The following RCAN2 variants were observed in gnomAD, a reference collection of about 807,000 sequenced individuals.
RCAN2 encodes regulator of calcineurin 2, also known as calcipressin-2.
In RCAN2, 9 loss-of-function variants were observed where a neutral mutation model predicts 23.6. That is an observed-to-expected ratio of 0.38 (90% CI 0.23 to 0.67). RCAN2 has a LOEUF of 0.67. Ranked by LOEUF, RCAN2 falls within the 30% of genes least tolerant of loss-of-function variation. The pLI is 0.51. For missense variants in RCAN2, 273 were observed against 302.3 expected (o/e 0.90, Z 0.72); for synonymous variants, 109 against 115.7 (o/e 0.94, Z 0.37).
intron 3 of RCAN2, 100 bp from the exon 4 acceptor site, chr6:46,247,019 T>G (rs1311466951): frequency 3.3e-6 from 3 of 905,940 alleles, no homozygotes; most frequent in Non-Finnish European, 4.9e-6. Context: ...CTGCGACAAA[T>G]GAACCGATGA....
intron 2 of RCAN2, among the ~76,000 whole-genome samples, chr6:46,374,994 C>A: frequency 6.6e-6 from 1 of 152,132 alleles, no homozygotes; most frequent in Non-Finnish European, 1.5e-5. Context: ...GCAACCTCTG[C>A]CTCCCGGGTT....
chr6:46,276,233 A>AC (rs1767696710), intron 2 of RCAN2, among the ~76,000 whole-genome samples: 1 of 151,426 alleles, frequency 6.6e-6, no homozygotes, highest in African/African-American at 2.4e-5. Flanking sequence ...ACAAAACAAA[A>AC]ACCAACTATG....
intron 2 of RCAN2, among the ~76,000 whole-genome samples, chr6:46,285,659 CT>C (rs1190621174): frequency 6.6e-6 from 1 of 152,040 alleles, no homozygotes; most frequent in Non-Finnish European, 1.5e-5. Flanking sequence ...TCCTTTATTT[CT>C]TTTTTTGGTA....
At chr6:46,448,329 A>G (rs1393067337) in intron 2 of RCAN2, among the ~76,000 whole-genome samples, 1 of 151,926 alleles carries the variant, frequency 6.6e-6, no homozygotes, top group Non-Finnish European at 1.5e-5. Flanking sequence ...AAAAAGATCA[A>G]ATCAGTAATA....
intron 2 of RCAN2, among the ~76,000 whole-genome samples, chr6:46,387,493 C>T (rs1485272163): frequency 6.6e-6 from 1 of 152,130 alleles, no homozygotes; most frequent in Non-Finnish European, 1.5e-5. Flanking sequence ...CCAACAGACA[C>T]ATGAAAAAAT....
chr6:46,470,861 T>C (rs549737080), intron 1 of RCAN2, among the ~76,000 whole-genome samples: 1 of 152,324 alleles, frequency 6.6e-6, no homozygotes, highest in Admixed American at 6.5e-5. Flanking sequence ...ATGAAATCTG[T>C]CTTCATTGTG....
intron 1 of RCAN2, among the ~76,000 whole-genome samples, chr6:46,468,490 G>A (rs866348868): frequency 8.5e-5 from 13 of 152,262 alleles, no homozygotes; most frequent in African/African-American, 2.6e-4. Flanking sequence ...CACCACAGCC[G>A]CGCCAACGCC....
intron 1 of RCAN2, among the ~76,000 whole-genome samples, chr6:46,459,163 G>T (rs968571960): frequency 1.3e-5 from 2 of 152,170 alleles, no homozygotes; most frequent in Admixed American, 6.5e-5. Flanking sequence ...CTCCCAAAGC[G>T]TTGGGATTTC....
chr6:46,373,487 G>T (rs1765375992), intron 2 of RCAN2, among the ~76,000 whole-genome samples: 1 of 152,006 alleles, frequency 6.6e-6, no homozygotes, highest in Non-Finnish European at 1.5e-5. Context: ...AAACTCCTGG[G>T]CACAAGTGAT....
At chr6:46,458,401 TA>T (rs1561914130) in intron 1 of RCAN2, among the ~76,000 whole-genome samples, 1 of 152,182 alleles carries the variant, frequency 6.6e-6, no homozygotes, top group East Asian at 1.9e-4. Flanking sequence ...GCATTACATA[TA>T]AAATCTTAAG....
chr6:46,355,196 A>T (rs1764789989), intron 2 of RCAN2, among the ~76,000 whole-genome samples: 1 of 152,190 alleles, frequency 6.6e-6, no homozygotes, highest in Admixed American at 6.5e-5. Context: ...TTTTTAAAGT[A>T]AACTTCTTAT....
At chr6:46,232,094 A>G (rs1421612922) in intron 4 of RCAN2, among the ~76,000 whole-genome samples, 2 of 152,256 alleles carry the variant, frequency 1.3e-5, no homozygotes, top group Admixed American at 6.5e-5. Context: ...AGACAGTGAC[A>G]GGAGCAGGGA....
chr6:46,435,929 G>A (rs1244168878), intron 2 of RCAN2, among the ~76,000 whole-genome samples: 1 of 152,206 alleles, frequency 6.6e-6, no homozygotes, highest in Non-Finnish European at 1.5e-5. Context: ...GTGAGCACTG[G>A]AGAAATGAAG....
chr6:46,425,550 A>AT (rs897903060), intron 2 of RCAN2, among the ~76,000 whole-genome samples: 1 of 152,208 alleles, frequency 6.6e-6, no homozygotes, highest in African/African-American at 2.4e-5. Context: ...TGATGTAAGA[A>AT]TTTTTTTAAA....
At chr6:46,425,831 G>A (rs748844924) in intron 2 of RCAN2, among the ~76,000 whole-genome samples, 2 of 151,042 alleles carry the variant, frequency 1.3e-5, no homozygotes, top group African/African-American at 4.9e-5. Flanking sequence ...TTTCTCAGTG[G>A]TTCACTTCGC....
intron 2 of RCAN2, among the ~76,000 whole-genome samples, chr6:46,407,883 C>T (rs972985053): frequency 2.6e-5 from 4 of 152,172 alleles, no homozygotes; most frequent in Non-Finnish European, 4.4e-5. Context: ...TGGAGTGCTA[C>T]GTAAAAATTA....
intron 2 of RCAN2, among the ~76,000 whole-genome samples, chr6:46,295,449 A>C (rs1762697940): frequency 6.6e-6 from 1 of 152,188 alleles, no homozygotes; most frequent in Non-Finnish European, 1.5e-5. Flanking sequence ...GCTGGAGAAC[A>C]GAAGAACACC....
chr6:46,255,459 T>C (rs1383422542), intron 2 of RCAN2, among the ~76,000 whole-genome samples: 1 of 152,106 alleles, frequency 6.6e-6, no homozygotes, highest in Non-Finnish European at 1.5e-5. Flanking sequence ...TTTGTAGGAA[T>C]GACATAGTGG....
intron 2 of RCAN2, among the ~76,000 whole-genome samples, chr6:46,264,053 C>T (rs1033084939): frequency 6.6e-6 from 1 of 152,168 alleles, no homozygotes; most frequent in Non-Finnish European, 1.5e-5. Flanking sequence ...AAAAAATTAC[C>T]CCTTTGCAGA....
Sources: gnomAD v4.1 joint callset for allele counts (sites outside exome capture counted in the v4.1 genomes callset) on GRCh38, gnomAD v4.1.1 for gene constraint, MANE v1.5 for transcripts, NCBI Gene and HGNC (gene_info 2026-07-23, HGNC 2026-07-21) for gene names.